TRPM3: variants seen among roughly 807,000 people sequenced by gnomAD.
TRPM3 encodes long transient receptor potential channel 3.
TRPM3 carries 77 observed loss-of-function variants against 181.2 expected under a neutral mutation model. The ratio of observed to expected loss-of-function variants is 0.42; its 90% CI spans 0.35 to 0.51. TRPM3 has a LOEUF of 0.51. TRPM3 is among the 20% of genes least tolerant of loss of function. The probability of loss-of-function intolerance (pLI) is 0.01; values close to 1 mark genes in which losing one functional copy is unlikely to be tolerated. For missense variants in TRPM3, 1,759 were observed against 2,196.7 expected (o/e 0.80, Z 3.98); for synonymous variants, 745 against 796.4 (o/e 0.94, Z 1.09).
chr9:71,209,859 C>T (rs2079373040), intron 1 of TRPM3, among the ~76,000 whole-genome samples: 1 of 152,216 alleles, frequency 6.6e-6, no homozygotes, highest in Admixed American at 6.5e-5. Context: ...CTGTCTATGG[C>T]TGCTTTTACA....
chr9:70,914,222 G>T (rs565195885), intron 1 of TRPM3, among the ~76,000 whole-genome samples: 218 of 152,252 alleles, frequency 1.4e-3, no homozygotes, highest in African/African-American at 5.0e-3. Flanking sequence ...TTTCCACCAT[G>T]TGAGGACACA....
At chr9:71,357,979 T>G (rs983011240) in intron 1 of TRPM3, among the ~76,000 whole-genome samples, 2 of 152,170 alleles carry the variant, frequency 1.3e-5, no homozygotes, top group Non-Finnish European at 2.9e-5. Flanking sequence ...CAGGTCTTAA[T>G]GCAACAAGGG....
At chr9:71,260,480 C>T (rs1336639758) in intron 1 of TRPM3, among the ~76,000 whole-genome samples, 1 of 152,132 alleles carries the variant, frequency 6.6e-6, no homozygotes, top group African/African-American at 2.4e-5. Flanking sequence ...GGCACTACAG[C>T]CATTTTTATG....
At chr9:70,977,028 T>G (rs74765691) in intron 1 of TRPM3, among the ~76,000 whole-genome samples, 2,011 of 152,328 alleles carry the variant, frequency 0.013, 29 homozygotes, top group East Asian at 0.077. Context: ...CAGAACTTTA[T>G]GAAGGGTAAA....
chr9:70,773,333 A>G (rs979549959), intron 7 of TRPM3, among the ~76,000 whole-genome samples: 2 of 152,150 alleles, frequency 1.3e-5, no homozygotes, highest in African/African-American at 4.8e-5. Context: ...TCTGTCCTCA[A>G]TTTCCTCATT....
chr9:70,861,063 A>G (rs867278319), intron 3 of TRPM3, among the ~76,000 whole-genome samples: 1 of 152,074 alleles, frequency 6.6e-6, no homozygotes, highest in Non-Finnish European at 1.5e-5. Context: ...CTTCACTACT[A>G]ACACTCCATT....
chr9:70,661,632 G>T (rs1213809882), intron 9 of TRPM3, among the ~76,000 whole-genome samples: 1 of 151,718 alleles, frequency 6.6e-6, no homozygotes, highest in African/African-American at 2.4e-5. Flanking sequence ...AGTAACACTG[G>T]AATACACCAA....
intron 9 of TRPM3, among the ~76,000 whole-genome samples, chr9:70,660,976 G>T (rs145518370): frequency 6.6e-6 from 1 of 151,842 alleles, no homozygotes; most frequent in Non-Finnish European, 1.5e-5. Flanking sequence ...CAAAGGACAT[G>T]TCAAAAAAAG....
intron 6 of TRPM3, among the ~76,000 whole-genome samples, chr9:70,818,837 A>AT (rs2092919545): frequency 6.6e-6 from 1 of 152,226 alleles, no homozygotes; most frequent in Non-Finnish European, 1.5e-5. Flanking sequence ...TGCAAGTGAA[A>AT]TTAGATATGA....
At chr9:71,084,623 A>G (rs944051083) in intron 1 of TRPM3, among the ~76,000 whole-genome samples, 3 of 152,112 alleles carry the variant, frequency 2.0e-5, no homozygotes, top group African/African-American at 4.8e-5. Flanking sequence ...GAAATTCTAG[A>G]TGATACAAAC....
chr9:70,944,283 T>C (rs1260894736), intron 1 of TRPM3, among the ~76,000 whole-genome samples: 3 of 152,214 alleles, frequency 2.0e-5, no homozygotes, highest in Non-Finnish European at 2.9e-5. Flanking sequence ...CCGCTTCCAA[T>C]AAACACAAAG....
chr9:71,078,812 A>G (rs1402519280), intron 1 of TRPM3, among the ~76,000 whole-genome samples: 1 of 150,986 alleles, frequency 6.6e-6, no homozygotes, highest in African/African-American at 2.4e-5. Flanking sequence ...ATTTCAATTT[A>G]GAGCATAATA....
At chr9:71,262,382 T>G (rs2083119547) in intron 1 of TRPM3, among the ~76,000 whole-genome samples, 1 of 152,114 alleles carries the variant, frequency 6.6e-6, no homozygotes, top group Non-Finnish European at 1.5e-5. Context: ...AGCTCCAGTG[T>G]CTCAGGTCAA....
At chr9:70,934,378 T>A (rs761845407) in intron 1 of TRPM3, among the ~76,000 whole-genome samples, 14 of 152,156 alleles carry the variant, frequency 9.2e-5, no homozygotes, top group Non-Finnish European at 1.9e-4. Context: ...GTGACTGTTA[T>A]GTGGTAAAAC....
chr9:70,913,907 A>T lies in TRPM3; in HGVS notation c.178-49396T>A, dbSNP rs1030116922. Among the ~76,000 whole-genome samples the T allele has an allele frequency of 4.2e-4, 64 of 152,196 alleles. 1 individual carries two copies. The highest frequency in any genetic ancestry group is 1.5e-3 in the African/African-American group (62 of 41,442). On this transcript the variant is annotated intron_variant, in intron 1 of 25. Transcript: ENST00000677713. ...CCTCGCCTAAACTCCATTGCACTGA[A>T]ATATTCTACTGGTTATAGAAAAGAT... is the stretch of plus-strand genomic sequence containing the variant.
chr9:70,791,441 C>T (rs761708360), intron 6 of TRPM3, among the ~76,000 whole-genome samples: 36 of 152,200 alleles, frequency 2.4e-4, no homozygotes, highest in Non-Finnish European at 4.3e-4. Context: ...GCATATGTTT[C>T]CAACCCACTT....
At chr9:71,441,012 C>A (rs1413526974) in intron 1 of TRPM3, among the ~76,000 whole-genome samples, 1 of 152,094 alleles carries the variant, frequency 6.6e-6, no homozygotes, top group African/African-American at 2.4e-5. Context: ...TTAAAATCAT[C>A]ACAATGCAAA....
Position 70,536,686 on chromosome 9 carries a change from A to T in TRPM3, c.4427T>A (p.Ile1476Asn), listed in dbSNP as rs987101453. The change falls in exon 26 of 26, where the codon ATC (isoleucine) becomes AAC (asparagine). Residue 1476 changes from isoleucine (I) to asparagine (N), a missense_variant. Ile to Asn is a moderately radical substitution (Grantham distance 149). Around this residue, in one of 8 missense-constraint regions of TRPM3, gnomAD observed 612 missense variants for 590.0 expected, o/e 1.04. Transcript: ENST00000677713. ...AAAAGATCTAGTGTCCATGGAGGTG[A>T]TGTCCTCAAAATCAATGCTCCGGCT... is the stretch of plus-strand genomic sequence containing the variant. The part of the protein sequence containing the change: ...PPSRSIDFED[I>N]TSMDTRSFSS... 6.2e-7 allele frequency: 1 copy of T among 1,613,980 alleles called. No individual in the cohort carries two copies. The highest frequency in any genetic ancestry group is 8.5e-7 in the Non-Finnish European group (1 of 1,179,996).
chr9:70,629,215 C>CCGGG (rs2065245342), intron 12 of TRPM3, among the ~76,000 whole-genome samples: 1 of 10,174 alleles, frequency 9.8e-5, no homozygotes, highest in African/African-American at 2.0e-4. Context: ...TGACCAGTGC[C>CCGGG]GGGGGGGGGG....
Sources: gnomAD v4.1 joint callset for allele counts (sites outside exome capture counted in the v4.1 genomes callset) on GRCh38, gnomAD v4.1.1 for gene constraint, gnomAD v4.1.1 regional missense constraint, MANE v1.5 for transcripts, NCBI Gene and HGNC (gene_info 2026-07-23, HGNC 2026-07-21) for gene names.